Variants in NAV2 observed in about 807,000 individuals in gnomAD.
The protein encoded by NAV2 is helicase, APC down-regulated 1.
Under a neutral mutation model 223.2 loss-of-function variants are expected in NAV2, and 54 were observed. The ratio of observed to expected loss-of-function variants is 0.24; its 90% CI spans 0.19 to 0.30. The LOEUF (loss-of-function observed/expected upper bound fraction) is 0.30, where lower values mean the gene tolerates loss of function less well. NAV2 is among the 10% of genes least tolerant of loss of function. The pLI is 1.00. For missense variants in NAV2, 2,806 were observed against 3,147.5 expected, an observed-to-expected ratio of 0.89 and a Z score of 2.60; for synonymous variants, 1,279 against 1,239.3, an observed-to-expected ratio of 1.03 and a Z score of -0.67.
In NAV2 at chr11:19,838,748, C is replaced by T. The variant is rs767680298; in HGVS notation, c.386-4123C>T. Among the ~76,000 whole-genome samples, 10 of 152,158 alleles carry T rather than the reference C, an allele frequency of 6.6e-5. 1 individual carries two copies. The highest frequency in any genetic ancestry group is 1.2e-4 in the African/African-American group (5 of 41,440). On this transcript the variant is annotated intron_variant, in intron 2 of 37. Coordinates refer to ENST00000349880, the MANE Select transcript of NAV2 (RefSeq NM_145117.5). ...AAGCAATTCTCCCACCTCAGCCTCC[C>T]GAGTAGCTGCGATTGTAGGCATACA...
At chr11:19,894,230 C>T (rs1467703294) in intron 6 of NAV2, among the ~76,000 whole-genome samples, 1 of 152,124 alleles carries the variant, frequency 6.6e-6, no homozygotes, top group East Asian at 1.9e-4. Context: ...TGAATTTGAA[C>T]CCAGGCACTT....
intron 3 of NAV2, among the ~76,000 whole-genome samples, chr11:19,859,854 T>C (rs1458931856): frequency 7.4e-6 from 1 of 135,408 alleles, no homozygotes; most frequent in East Asian, 2.5e-4. Context: ...ACGGGGCGGC[T>C]GGCCGGGCGG....
chr11:20,106,210 T>TATAC lies in NAV2; in HGVS notation c.6841+486_6841+487insCATA, dbSNP rs1565089799. On this transcript the variant is annotated intron_variant, in intron 35 of 37. Coordinates refer to ENST00000349880, the MANE Select transcript of NAV2 (RefSeq NM_145117.5). The stretch of plus-strand genomic sequence containing the variant: ...ATATATATATATATATATATATATA[T>TATAC]ATATATATATATATATATATGCTTT... 3.8e-4 allele frequency among the ~76,000 whole-genome samples: 37 copies of TATAC among 97,074 alleles called. 3 individuals are homozygous for TATAC. In the East Asian group the frequency reaches 9.0e-3, roughly 24 times the overall value. The allele number at this position is 97,074 out of a possible 152,430, so 63.7% of individuals were successfully genotyped here. A position where few individuals can be genotyped will look rare whatever the true frequency, so the allele number is the denominator to read the frequency against.
intron 12 of NAV2, among the ~76,000 whole-genome samples, chr11:20,036,808 C>G (rs1010849799): frequency 6.6e-6 from 1 of 152,200 alleles, no homozygotes; most frequent in African/African-American, 2.4e-5. Context: ...CACTCCTGCT[C>G]CAGTGTGCAC....
chr11:19,892,296 C>A, intron 5 of NAV2, 138 bp from the exon 6 acceptor site: 2 of 770,374 alleles, frequency 2.6e-6, no homozygotes, highest in Non-Finnish European at 3.9e-6. Context: ...ATGGTTCCAC[C>A]AAATTCTGTG....
intron 22 of NAV2, among the ~76,000 whole-genome samples, chr11:20,075,294 G>A (rs2059660968): frequency 6.6e-6 from 1 of 151,654 alleles, no homozygotes; most frequent in African/African-American, 2.4e-5. Flanking sequence ...CACAATCTTG[G>A]CTCACTGCAA....
intron 6 of NAV2, among the ~76,000 whole-genome samples, chr11:19,894,383 C>A (rs986246434): frequency 6.6e-6 from 1 of 152,218 alleles, no homozygotes; most frequent in Non-Finnish European, 1.5e-5. Context: ...TGGGCCTCTC[C>A]TCGCGGGCCA....
At chr11:19,979,626 T>C (rs984173580) in intron 10 of NAV2, among the ~76,000 whole-genome samples, 2 of 152,242 alleles carry the variant, frequency 1.3e-5, no homozygotes, top group African/African-American at 2.4e-5. Flanking sequence ...TCATCTGTTA[T>C]ACCACTTTTA....
intron 1 of NAV2, among the ~76,000 whole-genome samples, chr11:19,610,081 G>C (rs535594094): frequency 2.6e-5 from 4 of 152,132 alleles, no homozygotes; most frequent in South Asian, 2.1e-4. Flanking sequence ...GCCATTCCTC[G>C]AGCAGAAAGA....
chr11:19,683,036 C>G (rs1687995489), intron 1 of NAV2, among the ~76,000 whole-genome samples: 1 of 152,152 alleles, frequency 6.6e-6, no homozygotes, highest in South Asian at 2.1e-4. Flanking sequence ...ACTGTGCCAC[C>G]CTGGTTCTGG....
intron 19 of NAV2, among the ~76,000 whole-genome samples, chr11:20,057,793 A>G (rs2058458379): frequency 6.6e-6 from 1 of 152,242 alleles, no homozygotes; most frequent in Non-Finnish European, 1.5e-5. Flanking sequence ...TATCGTCATC[A>G]GATAGCTTTT....
Position 19,856,889 on chromosome 11 carries a change from C to T in NAV2, c.439-12036C>T, listed in dbSNP as rs182833081. Among the ~76,000 whole-genome samples, 416 of 152,282 alleles carry T rather than the reference C, an allele frequency of 2.7e-3. 5 individuals carry two copies. Among genetic ancestry groups the T allele is most frequent in the Admixed American group, 0.025 (388 of 15,304 alleles). On this transcript the variant is annotated intron_variant, in intron 3 of 37. Coordinates refer to ENST00000349880, the MANE Select transcript of NAV2 (RefSeq NM_145117.5). The stretch of plus-strand genomic sequence containing the variant: ...GGTCTTACATTTAAGTACACACTAT[C>T]GTTGGAATTTCAGGAAATGCATGGA...
chr11:19,564,593 A>G (rs2045206481), intron 1 of NAV2, among the ~76,000 whole-genome samples: 1 of 151,736 alleles, frequency 6.6e-6, no homozygotes, highest in Non-Finnish European at 1.5e-5. Flanking sequence ...GAGGTGCCTC[A>G]CCAGACTTAG....
chr11:20,089,662 A>G (rs2060690619), intron 26 of NAV2, among the ~76,000 whole-genome samples: 1 of 152,186 alleles, frequency 6.6e-6, no homozygotes, highest in African/African-American at 2.4e-5. Flanking sequence ...GAAATGTCAA[A>G]GCTTTCTATT....
chr11:19,696,110 C>T (rs1052267738), intron 1 of NAV2, among the ~76,000 whole-genome samples: 5 of 151,890 alleles, frequency 3.3e-5, no homozygotes, highest in South Asian at 2.1e-4. Context: ...CTCCTCCATA[C>T]ATAGAAATGC....
At chr11:19,494,502 A>G (rs143049007) in intron 1 of NAV2, among the ~76,000 whole-genome samples, 211 of 152,342 alleles carry the variant, frequency 1.4e-3, no homozygotes, top group African/African-American at 4.9e-3. Context: ...TTTACAGATA[A>G]AGAAACTAAG....
chr11:19,424,826 C>T lies in NAV2; in HGVS notation c.75+73799C>T, dbSNP rs543532482. On this transcript the variant is annotated intron_variant, in intron 1 of 37. Transcript: ENST00000360655. The stretch of plus-strand genomic sequence containing the variant: ...TCAGCCTCCCAAAGCGCTAGGATTA[C>T]AGGCATAAGCCACCGTGCCCGGCCT... Among the ~76,000 whole-genome samples the T allele has an allele frequency of 2.1e-4, 32 of 152,286 alleles. 1 individual carries two copies. The highest frequency in any genetic ancestry group is 5.9e-4 in the Admixed American group (9 of 15,304).
chr11:19,730,650 G>A (rs751861003), intron 1 of NAV2, among the ~76,000 whole-genome samples: 2 of 152,226 alleles, frequency 1.3e-5, no homozygotes, highest in Non-Finnish European at 2.9e-5. Flanking sequence ...CCTATGCCAG[G>A]AAGGCAGCGT....
chr11:19,638,692 A>G (rs1455231402), intron 1 of NAV2, among the ~76,000 whole-genome samples: 1 of 152,220 alleles, frequency 6.6e-6, no homozygotes, highest in Admixed American at 6.5e-5. Flanking sequence ...AAATATACAC[A>G]GGTGGTTGGG....
Sources: allele counts gnomAD v4.1 joint callset (sites outside exome capture counted in the v4.1 genomes callset), GRCh38; gene constraint gnomAD v4.1.1; transcripts MANE v1.5; gene names NCBI Gene and HGNC (gene_info 2026-07-23, HGNC 2026-07-21).